The following LUZP2 variants were observed in gnomAD, a reference collection of about 807,000 sequenced individuals.
LUZP2 encodes leucine zipper protein 2.
A neutral mutation model predicts 51.6 loss-of-function variants in LUZP2; 52 were observed. The observed-to-expected ratio is 1.01, with a 90% CI of 0.81 to 1.27. LUZP2 has a LOEUF of 1.27. LUZP2 is among the 50% of genes most tolerant of loss of function. The pLI is 0.00. For synonymous variants in LUZP2, 154 were observed against 137.3 expected, an observed-to-expected ratio of 1.12 and a Z score of -0.85; for missense variants, 436 against 395.4, an observed-to-expected ratio of 1.10 and a Z score of -0.87.
At chr11:24,756,959 G>T (rs1859798130) in intron 4 of LUZP2, among the ~76,000 whole-genome samples, 1 of 152,170 alleles carries the variant, frequency 6.6e-6, no homozygotes, top group Admixed American at 6.5e-5. Context: ...AGAACTCGAG[G>T]AAACATCTAC....
chr11:24,708,117 G>A (rs573102239), intron 1 of LUZP2, among the ~76,000 whole-genome samples: 30 of 152,192 alleles, frequency 2.0e-4, no homozygotes, highest in Non-Finnish European at 3.7e-4. Flanking sequence ...GCAGGTGATC[G>A]AAAAAGTTGC....
chr11:24,895,153 T>G (rs776568407), intron 5 of LUZP2, among the ~76,000 whole-genome samples: 10 of 152,104 alleles, frequency 6.6e-5, no homozygotes, highest in Non-Finnish European at 1.5e-4. Flanking sequence ...TCTCACCATA[T>G]TTTAGGAAGT....
At chr11:24,899,123 A>C (rs1024935744) in intron 5 of LUZP2, among the ~76,000 whole-genome samples, 2 of 152,182 alleles carry the variant, frequency 1.3e-5, no homozygotes, top group Non-Finnish European at 2.9e-5. Flanking sequence ...AGAAATTTCT[A>C]AACTTATTCA....
chr11:24,969,505 C>G (rs1855685562), intron 7 of LUZP2, among the ~76,000 whole-genome samples: 1 of 151,988 alleles, frequency 6.6e-6, no homozygotes, highest in Non-Finnish European at 1.5e-5. Flanking sequence ...TAGCTGTTCT[C>G]TTTTATCCCA....
rs1859453779 is a variant in LUZP2, at chr11:25,081,304, TGGGATTAC to T, written c.*2647_*2654del. 1 of 152,184 alleles carries T rather than the reference TGGGATTAC, an allele frequency of 6.6e-6. No homozygotes were observed. 9.4% of individuals were successfully genotyped at this position (152,184 alleles called of 1,614,324 possible). On this transcript the variant is annotated 3_prime_UTR_variant, in exon 12 of 12. Transcript: ENST00000336930. ...CTGCCTCAGTCTCCTCCCAAAATGC[TGGGATTAC>T]AGGTGTGAGCCACCGTGCCTGGCCA...
chr11:24,670,128 T>G (rs367818018), intron 1 of LUZP2, among the ~76,000 whole-genome samples: 2 of 152,208 alleles, frequency 1.3e-5, no homozygotes, highest in African/African-American at 4.8e-5. Context: ...ATAAGCTGCT[T>G]AATATAGTCT....
chr11:24,731,601 C>A, intron 2 of LUZP2, among the ~76,000 whole-genome samples: 1 of 151,660 alleles, frequency 6.6e-6, no homozygotes, highest in East Asian at 1.9e-4. Context: ...AGACCAGTTA[C>A]AATTTTACAT....
At chr11:24,920,532 A>C (rs557798083) in intron 7 of LUZP2, among the ~76,000 whole-genome samples, 10 of 152,218 alleles carry the variant, frequency 6.6e-5, no homozygotes, top group East Asian at 1.9e-4. Flanking sequence ...AAATATACAG[A>C]ATCAATTGTA....
At chr11:24,506,365 T>C (rs556153134) in intron 1 of LUZP2, among the ~76,000 whole-genome samples, 5 of 152,164 alleles carry the variant, frequency 3.3e-5, no homozygotes, top group Admixed American at 1.3e-4. Flanking sequence ...CTCTGAATTA[T>C]AAAAGAAACA....
Position 24,771,953 on chromosome 11 carries a change from T to G in LUZP2, c.396+8645T>G, listed in dbSNP as rs571968207. Among the ~76,000 whole-genome samples the G allele has an allele frequency of 5.3e-5, 8 of 152,284 alleles. No homozygotes were observed. The East Asian group carries it at 1.2e-3, about 22-fold the overall frequency. ...GAACTGTGAGTCAATTAAGCCTCTT[T>G]CCTTTATAAATTACCCAGTCTCAGT... On this transcript the variant is annotated intron_variant, in intron 5 of 11. Transcript: ENST00000336930.
intron 5 of LUZP2, among the ~76,000 whole-genome samples, chr11:24,797,621 T>C (rs1849582064): frequency 6.6e-6 from 1 of 152,140 alleles, no homozygotes; most frequent in Non-Finnish European, 1.5e-5. Context: ...TGCTCTGTAG[T>C]AGAAATGCTA....
intron 7 of LUZP2, among the ~76,000 whole-genome samples, chr11:24,926,477 G>A (rs1049581793): frequency 1.8e-5 from 2 of 110,960 alleles, no homozygotes; most frequent in South Asian, 2.8e-4. Flanking sequence ...GTGTATATAT[G>A]TGTGTGTATA....
chr11:24,701,797 G>C (rs559111038), intron 1 of LUZP2, among the ~76,000 whole-genome samples: 1 of 152,110 alleles, frequency 6.6e-6, no homozygotes, highest in South Asian at 2.1e-4. Context: ...CCATAATATT[G>C]AATTATGGGA....
At chr11:24,929,583 T>G (rs868632192) in intron 7 of LUZP2, among the ~76,000 whole-genome samples, 50 of 152,198 alleles carry the variant, frequency 3.3e-4, no homozygotes, top group African/African-American at 9.9e-4. Context: ...TCTGAGAGAG[T>G]ACTTGACATA....
chr11:24,516,899 C>G (rs1018555058), intron 1 of LUZP2, among the ~76,000 whole-genome samples: 3 of 152,142 alleles, frequency 2.0e-5, no homozygotes, highest in Non-Finnish European at 4.4e-5. Context: ...GTTTCAACAG[C>G]TTAGATTGTG....
chr11:25,030,283 T>A (rs538283861), intron 9 of LUZP2, among the ~76,000 whole-genome samples: 1 of 152,326 alleles, frequency 6.6e-6, no homozygotes, highest in South Asian at 2.1e-4. Flanking sequence ...GTAGTTCAAT[T>A]AATTCTCATT....
At chr11:24,835,387 A>T (rs1377403948) in intron 5 of LUZP2, among the ~76,000 whole-genome samples, 2 of 152,200 alleles carry the variant, frequency 1.3e-5, no homozygotes, top group Non-Finnish European at 1.5e-5. Context: ...ACCATTCAGG[A>T]CATAGGCATG....
chr11:24,676,878 G>A (rs1183418300), intron 1 of LUZP2, among the ~76,000 whole-genome samples: 1 of 152,028 alleles, frequency 6.6e-6, no homozygotes, highest in Non-Finnish European at 1.5e-5. Flanking sequence ...TGTTGGCTAG[G>A]CTGGTTTCGA....
At chr11:24,512,112 T>C (rs1038355865) in intron 1 of LUZP2, among the ~76,000 whole-genome samples, 2 of 152,158 alleles carry the variant, frequency 1.3e-5, no homozygotes, top group African/African-American at 4.8e-5. Context: ...GAGTGATTAA[T>C]AGATGATGTA....
Sources: gnomAD v4.1 joint callset for allele counts (sites outside exome capture counted in the v4.1 genomes callset) on GRCh38, gnomAD v4.1.1 for gene constraint, MANE v1.5 for transcripts, NCBI Gene and HGNC (gene_info 2026-07-23, HGNC 2026-07-21) for gene names.